PPP2R2B: variants seen among roughly 807,000 people sequenced by gnomAD.
The protein encoded by PPP2R2B is serine/threonine-protein phosphatase 2A 55 kDa regulatory subunit B beta isoform.
Under a neutral mutation model 46.0 loss-of-function variants are expected in PPP2R2B, and 5 were observed. The observed-to-expected ratio is 0.11, with a 90% CI of 0.06 to 0.23. The LOEUF is 0.23. Among genes scored for constraint, PPP2R2B ranks in the 10% least tolerant of loss-of-function variants. PPP2R2B has a pLI of 1.00. For missense variants in PPP2R2B, 367 were observed against 575.0 expected, an observed-to-expected ratio of 0.64 and a Z score of 3.70; for synonymous variants, 215 against 206.7, an observed-to-expected ratio of 1.04 and a Z score of -0.34.
At chr5:146,698,237 G>C in intron 3 of PPP2R2B, 93 bp from the exon 4 acceptor site, 1 of 1,072,040 alleles carries the variant, frequency 9.3e-7, no homozygotes. Flanking sequence ...AGTCATTGGG[G>C]GTGGGATGAG....
At chr5:146,658,345 C>T (rs1776470872) in intron 5 of PPP2R2B, among the ~76,000 whole-genome samples, 1 of 152,148 alleles carries the variant, frequency 6.6e-6, no homozygotes, top group African/African-American at 2.4e-5. Flanking sequence ...AATTTATCAC[C>T]TTGCCTTTTC....
intron 2 of PPP2R2B, among the ~76,000 whole-genome samples, chr5:147,063,875 A>T (rs1228857047): frequency 6.6e-6 from 1 of 152,218 alleles, no homozygotes; most frequent in Non-Finnish European, 1.5e-5. Context: ...AGAGATACAG[A>T]ATAGGCATTT....
chr5:147,039,518 A>T (rs1373610113), intron 1 of PPP2R2B, among the ~76,000 whole-genome samples: 1 of 152,104 alleles, frequency 6.6e-6, no homozygotes, highest in Non-Finnish European at 1.5e-5. Flanking sequence ...AGAGTACAAG[A>T]TGGGAAAAGA....
Position 146,698,037 on chromosome 5 carries a change from G to T in PPP2R2B, c.276C>A (p.Ile92=). ...YLKSLEIEEK[I]NKIRWLPQQN... ...GCTGGGGGAGCCATCTTATTTTATT[G>T]ATTTTTTCTTCTATTTCTAAACTCT... Residue 92 remains isoleucine (I), a synonymous_variant, in exon 4 of 10, where the codon ATC becomes ATA. Coordinates refer to ENST00000394411, the MANE Select transcript of PPP2R2B (RefSeq NM_181675.4). The T allele has an allele frequency of 6.2e-7, 1 of 1,613,164 alleles. No individual in the cohort carries two copies. Among genetic ancestry groups the T allele is most frequent in the Non-Finnish European group, 8.5e-7 (1 of 1,179,642 alleles).
At chr5:146,884,719 G>A (rs1190659069) in intron 1 of PPP2R2B, among the ~76,000 whole-genome samples, 1 of 152,174 alleles carries the variant, frequency 6.6e-6, no homozygotes, top group African/African-American at 2.4e-5. Context: ...AATTTAGGCT[G>A]TCCTGTGCAA....
intron 2 of PPP2R2B, among the ~76,000 whole-genome samples, chr5:146,836,502 G>A (rs1002758470): frequency 7.9e-5 from 12 of 152,150 alleles, no homozygotes; most frequent in East Asian, 3.9e-4. Context: ...GAGCTGACCC[G>A]GCTCAGCTCC....
chr5:146,657,390 G>GA (rs1776400256), intron 5 of PPP2R2B, among the ~76,000 whole-genome samples: 1 of 152,276 alleles, frequency 6.6e-6, no homozygotes, highest in South Asian at 2.1e-4. Context: ...GGAGAAGGAA[G>GA]AAAAGAGAGA....
chr5:146,711,260 C>G (rs1780201130), intron 2 of PPP2R2B, among the ~76,000 whole-genome samples: 1 of 152,068 alleles, frequency 6.6e-6, no homozygotes, highest in Non-Finnish European at 1.5e-5. Flanking sequence ...CACAAGTCAT[C>G]AAGCAATCAA....
Position 146,877,981 on chromosome 5 carries a change from A to G in PPP2R2B, c.70+21T>C, listed in dbSNP as rs1350546118. On this transcript the variant is annotated intron_variant, in intron 2 of 9. Transcript: ENST00000394411. ...ACTTGCGCCCGGCCCCAACGGCGGAATGCGGCGGGGCTGGCGTTACCTTCG... is the reference window on the plus strand; with the variant it reads ...ACTTGCGCCCGGCCCCAACGGCGGAGTGCGGCGGGGCTGGCGTTACCTTCG... 4 of 1,609,092 alleles carry G rather than the reference A, an allele frequency of 2.5e-6. No homozygotes were observed. The South Asian group carries it at 4.4e-5, about 18-fold the overall frequency.
At chr5:146,863,627 CCCATCCATCCATCTATCCATCCATCCAT>C (rs1761134791) in intron 2 of PPP2R2B, among the ~76,000 whole-genome samples, 2 of 150,126 alleles carry the variant, frequency 1.3e-5, no homozygotes, top group Non-Finnish European at 2.9e-5. Flanking sequence ...CATTCAACTG[CCCATCCATCCATCTATCCATCCATCCAT>C]CCATCCATCC....
chr5:146,885,036 C>T (rs115347528), intron 1 of PPP2R2B, among the ~76,000 whole-genome samples: 112 of 152,188 alleles, frequency 7.4e-4, no homozygotes, highest in African/African-American at 2.5e-3. Flanking sequence ...AAATGCCCAA[C>T]AAAATAATTT....
At chr5:146,833,815 C>A (rs1759107844) in intron 2 of PPP2R2B, among the ~76,000 whole-genome samples, 1 of 151,728 alleles carries the variant, frequency 6.6e-6, no homozygotes, top group African/African-American at 2.4e-5. Flanking sequence ...TCCCCTCATC[C>A]CCTAACAATC....
At chr5:147,047,391 A>G (rs1756593297) in intron 1 of PPP2R2B, among the ~76,000 whole-genome samples, 1 of 152,102 alleles carries the variant, frequency 6.6e-6, no homozygotes, top group Non-Finnish European at 1.5e-5. Context: ...AGGTATCAAA[A>G]CTTCACTACA....
At position 146,812,793 on chromosome 5, in the gene PPP2R2B, GTATA is replaced by G. The variant is rs1201054676; in HGVS notation, c.70+65205_70+65208del. 3.0e-3 allele frequency among the ~76,000 whole-genome samples: 36 copies of G among 12,110 alleles called. 3 individuals are homozygous for G. Among genetic ancestry groups the G allele is most frequent in the East Asian group, 7.1e-3 (2 of 280 alleles). The allele number at this position is 12,110 out of a possible 152,430, so 7.9% of individuals were successfully genotyped here. ...AATGTGTGTGTGTGTGTATATGTGT[GTATA>G]TATATATATATATATATATATATAT... On this transcript the variant is annotated intron_variant, in intron 2 of 9. Coordinates refer to ENST00000394411, the MANE Select transcript of PPP2R2B (RefSeq NM_181675.4).
intron 2 of PPP2R2B, among the ~76,000 whole-genome samples, chr5:146,875,562 A>G (rs1305002487): frequency 6.6e-6 from 1 of 152,180 alleles, no homozygotes; most frequent in Non-Finnish European, 1.5e-5. Flanking sequence ...TAAATAGAAC[A>G]CTGCAATGTG....
rs117440549 is a variant in PPP2R2B, at chr5:146,854,889, C to T, written c.70+23113G>A. 1.2e-3 allele frequency among the ~76,000 whole-genome samples: 176 copies of T among 152,304 alleles called. 1 individual carries two copies. In the East Asian group the frequency reaches 0.02, roughly 18 times the overall value. On this transcript the variant is annotated intron_variant, in intron 2 of 9. Transcript: ENST00000394411. ...ACGACAAGCTCTTAAAATTTGGACT[C>T]TGAACTGTCTCTCGCAGTTTTTATG... is the stretch of plus-strand genomic sequence containing the variant.
chr5:146,776,038 T>A (rs1755160356), intron 2 of PPP2R2B, among the ~76,000 whole-genome samples: 1 of 152,138 alleles, frequency 6.6e-6, no homozygotes, highest in African/African-American at 2.4e-5. Context: ...ACTGTTAAGA[T>A]GATAATGCTG....
At chr5:146,799,830 T>C (rs1300838685) in intron 2 of PPP2R2B, among the ~76,000 whole-genome samples, 2 of 152,246 alleles carry the variant, frequency 1.3e-5, no homozygotes, top group African/African-American at 2.4e-5. Flanking sequence ...CTTTGTATGA[T>C]TAACTGACCA....
intron 2 of PPP2R2B, among the ~76,000 whole-genome samples, chr5:146,771,198 G>A (rs1285806500): frequency 2.6e-5 from 4 of 152,124 alleles, no homozygotes; most frequent in South Asian, 2.1e-4. Flanking sequence ...CCATGGTCTG[G>A]CTCTCATCAG....
Sources: gnomAD v4.1 joint callset for allele counts (sites outside exome capture counted in the v4.1 genomes callset) on GRCh38, gnomAD v4.1.1 for gene constraint, MANE v1.5 for transcripts, NCBI Gene and HGNC (gene_info 2026-07-23, HGNC 2026-07-21) for gene names.